GRK1: variants seen among roughly 807,000 people sequenced by gnomAD.
The protein encoded by GRK1 is rhodopsin kinase GRK1.
Under a neutral mutation model 41.7 loss-of-function variants are expected in GRK1, and 28 were observed. That is an observed-to-expected ratio of 0.67 (90% CI 0.50 to 0.92). GRK1 has a LOEUF of 0.92. Among genes scored for constraint, GRK1 ranks in the 40% least tolerant of loss-of-function variants. The pLI is 0.00. For synonymous variants in GRK1, 327 were observed against 286.7 expected (o/e 1.14, Z -1.42); for missense variants, 703 against 671.2 (o/e 1.05, Z -0.52).
At chr13:113,725,028 C>T (rs527323442) in intron 4 of GRK1, among the ~76,000 whole-genome samples, 66 of 152,384 alleles carry the variant, frequency 4.3e-4, no homozygotes, top group African/African-American at 1.5e-3. Context: ...TTCCTCGGAG[C>T]CCCAGGTGCT....
chr13:113,663,495 G>A (rs1460358467), upstream of GRK1, among the ~76,000 whole-genome samples: 1 of 152,184 alleles, frequency 6.6e-6, no homozygotes, highest in Non-Finnish European at 1.5e-5. Context: ...TCTGCTCTAT[G>A]AAAGCCCATA....
intron 6 of GRK1, among the ~76,000 whole-genome samples, chr13:113,733,770 T>C (rs1322010907): frequency 2.1e-5 from 3 of 142,632 alleles, no homozygotes; most frequent in African/African-American, 5.6e-5. Flanking sequence ...TGTGTATGTG[T>C]GTGCATACGT....
At chr13:113,654,195 T>G in the GRK1 span, among the ~76,000 whole-genome samples, 2 of 152,224 alleles carry the variant, frequency 1.3e-5, no homozygotes, top group Admixed American at 1.3e-4. Context: ...GGTGTTGCTG[T>G]TTAGTGGATT....
the GRK1 span, chr13:113,652,981 C>A: frequency 3.1e-6 from 5 of 1,614,214 alleles, no homozygotes; most frequent in Non-Finnish European, 4.2e-6. Flanking sequence ...TGCAGGAGAA[C>A]TTGGTGTGGT....
intron 6 of GRK1, among the ~76,000 whole-genome samples, chr13:113,733,562 CATGTAT>C (rs941522054): frequency 2.9e-5 from 4 of 138,154 alleles, no homozygotes; most frequent in Admixed American, 7.2e-5. Context: ...CACGTGTGTC[CATGTAT>C]GTGTATGTGT....
At chr13:113,730,014 A>G (rs1162384516) in intron 4 of GRK1, among the ~76,000 whole-genome samples, 2 of 143,884 alleles carry the variant, frequency 1.4e-5, no homozygotes, top group Non-Finnish European at 3.0e-5. Context: ...CCGTCCCTTC[A>G]TCCTGACACA....
chr13:113,660,612 C>T, the GRK1 span, among the ~76,000 whole-genome samples: 4 of 152,216 alleles, frequency 2.6e-5, no homozygotes, highest in Admixed American at 2.0e-4. Context: ...TGCCTGTTAT[C>T]CCAGAGCTTT....
the GRK1 span, chr13:113,653,284 CGCCGCTTCACACCTCACCT>C: frequency 4.4e-6 from 7 of 1,573,428 alleles, no homozygotes; most frequent in African/African-American, 2.8e-5. Flanking sequence ...CTCACCCACC[CGCCGCTTCACACCTCACCT>C]GCCGTTTCAC....
chr13:113,733,959 C>CAT (rs1566700463), intron 6 of GRK1, among the ~76,000 whole-genome samples: 10 of 104,580 alleles, frequency 9.6e-5, no homozygotes, highest in African/African-American at 3.4e-4. Context: ...TGTGTGCATA[C>CAT]GTGTGTGTGC....
the GRK1 span, chr13:113,651,637 G>T: frequency 6.4e-7 from 1 of 1,563,536 alleles, no homozygotes; most frequent in Middle Eastern, 1.7e-4. Context: ...CTCCTTTCCT[G>T]GGGCAGCCCT....
chr13:113,727,330 A>G (rs1203401798), intron 4 of GRK1, among the ~76,000 whole-genome samples: 5 of 152,214 alleles, frequency 3.3e-5, no homozygotes, highest in African/African-American at 4.8e-5. Flanking sequence ...CCCACGGTCT[A>G]TGGACTGGGT....
chr13:113,670,453 C>T (rs988142652), intron 2 of GRK1, among the ~76,000 whole-genome samples: 3 of 152,244 alleles, frequency 2.0e-5, no homozygotes, highest in African/African-American at 7.2e-5. Context: ...TAAGACAATA[C>T]GTGTGAAATA....
chr13:113,652,067 C>A, the GRK1 span, among the ~76,000 whole-genome samples: 1 of 152,320 alleles, frequency 6.6e-6, no homozygotes, highest in Admixed American at 6.5e-5. Context: ...GAGCACGGGC[C>A]GGCCTGCCTC....
At chr13:113,653,189 G>A in the GRK1 span, 1 of 1,413,794 alleles carries the variant, frequency 7.1e-7, no homozygotes, top group Non-Finnish European at 9.7e-7. Flanking sequence ...AAAGGCCGAA[G>A]CTGTGGAGCC....
At chr13:113,724,550 A>C (rs2049878128) in intron 4 of GRK1, among the ~76,000 whole-genome samples, 1 of 152,020 alleles carries the variant, frequency 6.6e-6, no homozygotes, top group African/African-American at 2.4e-5. Flanking sequence ...GGGAAGGTGC[A>C]TCTCGGGGTG....
At position 113,667,398 on chromosome 13, in the gene GRK1, G is replaced by A. The variant is rs766240796; in HGVS notation, c.12G>A (p.Gly4=). 3 of 1,578,968 alleles carry A rather than the reference G, an allele frequency of 1.9e-6. No individual in the cohort carries two copies. Among genetic ancestry groups the A allele is most frequent in the Non-Finnish European group, 2.6e-6 (3 of 1,162,294 alleles). ...CAGGAAGCTCCGGGATGGATTTCGG[G>A]TCTTTGGAGACCGTGGTGGCCAACT... MDF[G]SLETVVANSA... is the part of the protein sequence containing the mutation. Residue 4 remains glycine, a synonymous_variant, in exon 1 of 7, where the codon GGG becomes GGA. Coordinates refer to ENST00000335678, the MANE Select transcript of GRK1 (RefSeq NM_002929.3). The surrounding 1 kb of genome is among the most constrained non-coding windows in gnomAD (Gnocchi z 7.5).
At chr13:113,728,775 G>A (rs988187630) in intron 4 of GRK1, among the ~76,000 whole-genome samples, 1 of 152,210 alleles carries the variant, frequency 6.6e-6, no homozygotes, top group African/African-American at 2.4e-5. Flanking sequence ...GTGTGTGGCT[G>A]TGGCCTCGAA....
chr13:113,652,770 G>T, the GRK1 span: 1 of 1,384,100 alleles, frequency 7.2e-7, no homozygotes, highest in Non-Finnish European at 1.0e-6. Flanking sequence ...GTCCCGCTTG[G>T]GCAAGCCCCA....
chr13:113,659,552 C>T, the GRK1 span, among the ~76,000 whole-genome samples: 1 of 151,888 alleles, frequency 6.6e-6, no homozygotes, highest in African/African-American at 2.4e-5. Context: ...TCATTTTAGC[C>T]TGGATTCCTA....
Sources: gnomAD v4.1 joint callset for allele counts (sites outside exome capture counted in the v4.1 genomes callset) on GRCh38, gnomAD v4.1.1 for gene constraint, Gnocchi (gnomAD v3.1) non-coding constraint, MANE v1.5 for transcripts, NCBI Gene and HGNC (gene_info 2026-07-23, HGNC 2026-07-21) for gene names.